SNU13: variants seen among roughly 807,000 people sequenced by gnomAD.
The protein encoded by SNU13 is NHP2-like protein 1.
SNU13 carries 2 observed loss-of-function variants against 12.4 expected under a neutral mutation model. The observed-to-expected ratio is 0.16, with a 90% CI of 0.07 to 0.51. SNU13 has a LOEUF of 0.51. SNU13 is among the 20% of genes least tolerant of loss of function. The pLI is 0.96. For synonymous variants in SNU13, 68 were observed against 66.5 expected, an observed-to-expected ratio of 1.02 and a Z score of -0.11; for missense variants, 66 against 157.8, an observed-to-expected ratio of 0.42 and a Z score of 3.12.
intron 2 of SNU13, among the ~76,000 whole-genome samples, chr22:41,677,237 T>C (rs2068222171): frequency 6.6e-6 from 1 of 152,184 alleles, no homozygotes; most frequent in South Asian, 2.1e-4. Context: ...TTAATAAGAA[T>C]GATGAGGCTG....
At chr22:41,680,092 G>A (rs1320249673) in intron 2 of SNU13, 152 bp downstream of exon 2, 4 of 951,076 alleles carry the variant, frequency 4.2e-6, no homozygotes. Flanking sequence ...AAAATTCTTA[G>A]CCCATCAGCT....
In SNU13 at chr22:41,675,209, G is replaced by C; in HGVS notation, c.125-14C>G. ...GGGTTTTGGTGGCTGCGGAGAGAAGGACGTGAAGCTAATAGGTGATGTGGG... is the reference window on the plus strand; with the variant it reads ...GGGTTTTGGTGGCTGCGGAGAGAAGCACGTGAAGCTAATAGGTGATGTGGG... On this transcript the variant is annotated splice_polypyrimidine_tract_variant and intron_variant, in intron 2 of 2. Coordinates refer to ENST00000401959, the MANE Select transcript of SNU13 (RefSeq NM_001003796.2). 1 of 1,610,742 alleles carries C rather than the reference G, an allele frequency of 6.2e-7. No homozygotes were observed. The highest frequency in any genetic ancestry group is 8.5e-7 in the Non-Finnish European group (1 of 1,179,522).
chr22:41,675,367 C>A (rs1171223335), intron 2 of SNU13, among the ~76,000 whole-genome samples, 172 bp from the exon 3 acceptor site: 2 of 152,120 alleles, frequency 1.3e-5, no homozygotes, highest in African/African-American at 4.8e-5. Flanking sequence ...TTCTCAAGCC[C>A]TACATTAAAT....
At chr22:41,689,000 G>C, upstream of SNU13, 3 of 1,314,392 alleles carry the variant, frequency 2.3e-6, no homozygotes, top group Non-Finnish European at 2.9e-6. Context: ...AAGAAGGAAC[G>C]TACTTTGGCG....
intron 1 of SNU13, among the ~76,000 whole-genome samples, chr22:41,680,578 T>C (rs1027989882): frequency 6.6e-6 from 1 of 152,246 alleles, no homozygotes; most frequent in African/African-American, 2.4e-5. Flanking sequence ...TTCAGTAAAG[T>C]ATACTAAAGC....
At chr22:41,678,981 A>G (rs528641878) in intron 2 of SNU13, among the ~76,000 whole-genome samples, 2 of 152,336 alleles carry the variant, frequency 1.3e-5, no homozygotes, top group African/African-American at 4.8e-5. Flanking sequence ...CTGGCTGGGC[A>G]TGGTAGCTCA....
At chr22:41,682,510 G>T in intron 1 of SNU13, 3 of 1,544,938 alleles carry the variant, frequency 1.9e-6, no homozygotes, top group Non-Finnish European at 2.6e-6. Flanking sequence ...TGACGTCCAG[G>T]GCCAGCCCGT....
At chr22:41,684,045 A>T (rs1051432941) in intron 1 of SNU13, among the ~76,000 whole-genome samples, 2 of 152,106 alleles carry the variant, frequency 1.3e-5, no homozygotes, top group Non-Finnish European at 2.9e-5. Context: ...CTGGGATTAC[A>T]GGTGCGCGTC....
chr22:41,682,560 A>C, intron 1 of SNU13: 2 of 1,456,450 alleles, frequency 1.4e-6, no homozygotes, highest in Non-Finnish European at 1.8e-6. Context: ...TCCTTATCTT[A>C]GGCGAATTTG....
intron 1 of SNU13, among the ~76,000 whole-genome samples, chr22:41,684,159 C>A (rs2068290059): frequency 6.6e-6 from 1 of 152,182 alleles, no homozygotes; most frequent in African/African-American, 2.4e-5. Context: ...CCTGCCTCGA[C>A]CTCCCAAAGT....
chr22:41,682,418 G>C, intron 1 of SNU13: 2 of 1,613,058 alleles, frequency 1.2e-6, no homozygotes, highest in East Asian at 2.2e-5. Flanking sequence ...TGTCGGTTTG[G>C]ACGGTCTGCT....
At chr22:41,687,936 A>G (rs2068325411) in intron 1 of SNU13, 1 of 152,228 alleles carries the variant, frequency 6.6e-6, no homozygotes, top group African/African-American at 2.4e-5. Flanking sequence ...ACTAAGCTTC[A>G]AAATGCATGG....
chr22:41,687,525 T>G (rs1248982610), intron 1 of SNU13, among the ~76,000 whole-genome samples: 1 of 152,174 alleles, frequency 6.6e-6, no homozygotes, highest in African/African-American at 2.4e-5. Context: ...CAAACTAGCT[T>G]ATAAACACTA....
chr22:41,683,032 C>T (rs1261637448), intron 1 of SNU13, among the ~76,000 whole-genome samples: 1 of 152,144 alleles, frequency 6.6e-6, no homozygotes, highest in Non-Finnish European at 1.5e-5. Flanking sequence ...CAGGGTCTCG[C>T]TCTGTCACCC....
At chr22:41,683,853 T>A (rs1210135451) in intron 1 of SNU13, among the ~76,000 whole-genome samples, 1 of 152,142 alleles carries the variant, frequency 6.6e-6, no homozygotes, top group Non-Finnish European at 1.5e-5. Context: ...TGTTGTCTCA[T>A]GCCAAGAAAA....
intron 1 of SNU13, chr22:41,682,628 G>A: frequency 7.4e-7 from 1 of 1,347,452 alleles, no homozygotes; most frequent in Non-Finnish European, 9.7e-7. Context: ...TTCTCTAAAG[G>A]AAGGGGGTTG....
At chr22:41,682,486 G>A (rs942806660) in intron 1 of SNU13, 3 of 1,576,890 alleles carry the variant, frequency 1.9e-6, no homozygotes, top group Non-Finnish European at 2.6e-6. Flanking sequence ...TGACGCCACT[G>A]CCGCCAGCGG....
chr22:41,679,071 G>A (rs983911942), intron 2 of SNU13, among the ~76,000 whole-genome samples: 7 of 150,522 alleles, frequency 4.7e-5, no homozygotes, highest in Admixed American at 6.6e-5. Flanking sequence ...CAGCCTGGGC[G>A]ACAGAGCGAG....
At chr22:41,687,787 C>G (rs143644546) in intron 1 of SNU13, 1 of 152,264 alleles carries the variant, frequency 6.6e-6, no homozygotes, top group African/African-American at 2.4e-5. Context: ...ACAACACCCT[C>G]ATGCACTGTC....
Sources: allele counts gnomAD v4.1 joint callset (sites outside exome capture counted in the v4.1 genomes callset), GRCh38; gene constraint gnomAD v4.1.1; transcripts MANE v1.5; gene names NCBI Gene and HGNC (gene_info 2026-07-23, HGNC 2026-07-21).